Variants in PSG5 observed in about 807,000 individuals in gnomAD.
The protein encoded by PSG5 is pregnancy specific beta-1-glycoprotein 5.
Under a neutral mutation model 37.7 loss-of-function variants are expected in PSG5, and 53 were observed. That is an observed-to-expected ratio of 1.41 (90% CI 1.13 to 1.77). PSG5 has a LOEUF of 1.77. PSG5 is among the 40% of genes most tolerant of loss of function. The pLI is 0.00. For missense variants in PSG5, 547 were observed against 405.2 expected, an observed-to-expected ratio of 1.35 and a Z score of -3.00; for synonymous variants, 221 against 155.4, an observed-to-expected ratio of 1.42 and a Z score of -3.14.
At chr19:43,181,855 A>C (rs972694752) in intron 2 of PSG5, among the ~76,000 whole-genome samples, 2 of 151,746 alleles carry the variant, frequency 1.3e-5, no homozygotes, top group African/African-American at 4.9e-5. Context: ...TATGCCTGAC[A>C]GGAAGCCAGA....
intron 2 of PSG5, among the ~76,000 whole-genome samples, chr19:43,179,682 G>A (rs905257645): frequency 2.6e-5 from 4 of 151,684 alleles, no homozygotes; most frequent in Non-Finnish European, 5.9e-5. Context: ...AATAACACAG[G>A]GGAGACCAGA....
chr19:43,177,426 A>G (rs1170104145), intron 2 of PSG5, among the ~76,000 whole-genome samples: 1 of 151,560 alleles, frequency 6.6e-6, no homozygotes, highest in Non-Finnish European at 1.5e-5. Context: ...TTCAAAATCT[A>G]AAATGCTCCA....
At chr19:43,173,277 G>A (rs762055274) in intron 4 of PSG5, among the ~76,000 whole-genome samples, 1 of 151,560 alleles carries the variant, frequency 6.6e-6, no homozygotes, top group Non-Finnish European at 1.5e-5. Flanking sequence ...TAGAAGAAAA[G>A]CTTCATGATA....
chr19:43,181,501 C>A (rs897758547), intron 2 of PSG5, among the ~76,000 whole-genome samples: 3 of 151,638 alleles, frequency 2.0e-5, no homozygotes, highest in Non-Finnish European at 4.4e-5. Flanking sequence ...CTCTTTCACC[C>A]AGGCTGGAGT....
chr19:43,171,406 C>G (rs891011012), intron 4 of PSG5: 1 of 157,734 alleles, frequency 6.3e-6, no homozygotes, highest in Admixed American at 6.5e-5. Flanking sequence ...TAACTGTAAA[C>G]TCTTACATTA....
intron 2 of PSG5, among the ~76,000 whole-genome samples, chr19:43,182,728 A>G (rs1235287773): frequency 2.1e-4 from 11 of 53,322 alleles, no homozygotes; most frequent in Admixed American, 3.2e-4. Context: ...TTTTTTGTGC[A>G]GGAGGCCAGA....
At chr19:43,178,070 G>A (rs1030163857) in intron 2 of PSG5, among the ~76,000 whole-genome samples, 1 of 151,618 alleles carries the variant, frequency 6.6e-6, no homozygotes, top group Non-Finnish European at 1.5e-5. Context: ...GAGTGAAGGG[G>A]AAAGGCAAAA....
In PSG5 at chr19:43,176,099, C is replaced by T. The variant is rs138774767; in HGVS notation, c.480G>A (p.Glu160=). 3 of 1,611,170 alleles carry T rather than the reference C, an allele frequency of 1.9e-6. No homozygotes were observed. Among genetic ancestry groups the T allele is most frequent in the Non-Finnish European group, 2.5e-6 (3 of 1,179,178 alleles). Residue 160 remains glutamate (E), a synonymous_variant, in exon 3 of 6, where the codon GAG becomes GAA. Transcript: ENST00000342951. ...AGGTGAAGGCTAAGACATCCTTATT[C>T]TCCCTGGGTTTTGAGTTGTTGATGG... ...YITINNSKPR[E]NKDVLAFTCE... is the part of the protein sequence containing the mutation.
At chr19:43,173,092 T>C (rs549534218) in intron 4 of PSG5, among the ~76,000 whole-genome samples, 3 of 151,816 alleles carry the variant, frequency 2.0e-5, no homozygotes, top group African/African-American at 4.8e-5. Context: ...CAAATGATTT[T>C]CATGGAGTGT....
intron 2 of PSG5, among the ~76,000 whole-genome samples, chr19:43,182,122 T>A (rs1259943435): frequency 1.3e-5 from 2 of 151,696 alleles, no homozygotes; most frequent in African/African-American, 4.9e-5. Context: ...AGGAATTTAA[T>A]TTATGGTTTG....
chr19:43,169,910 A>G (rs989576768), intron 5 of PSG5, 145 bp downstream of exon 5: 13 of 502,166 alleles, frequency 2.6e-5, no homozygotes, highest in Admixed American at 2.5e-4. Context: ...GAGAAAGGGA[A>G]CTGCAGGAAT....
intron 3 of PSG5, 148 bp downstream of exon 3, chr19:43,175,722 T>G: frequency 6.7e-7 from 1 of 1,482,280 alleles, no homozygotes; most frequent in Non-Finnish European, 9.0e-7. Context: ...CCTACCTAGG[T>G]TTTCCAAGGG....
rs775192457 is a variant in PSG5 at position 43,184,909 on chromosome 19, T to C, written c.303A>G (p.Val101=). The C allele has an allele frequency of 9.9e-6, 16 of 1,612,524 alleles. 1 individual carries two copies. In the South Asian group the frequency reaches 1.4e-4, roughly 14 times the overall value. ...YGPAYTGRET[V]YSNASLLIQN... ...GGATCAGCAGGGATGCATTGGAATA[T>C]ACTGTTTCTCGTCCAGTGTATGCAG... Residue 101 remains valine (V), a synonymous_variant, in exon 2 of 6, where the codon GTA becomes GTG. Transcript: ENST00000342951.
In PSG5 at chr19:43,175,237, T is replaced by C. The variant is rs753646211; in HGVS notation, c.942A>G (p.Lys314=). ...TACCAGAGACTTCGACTGTCATGGA[T>C]TTGGAGCTTTCCTTGCCAGTAGCTG... The part of the protein sequence containing the change: ...RNSATGKESS[K]SMTVEVSAPS... Residue 314 remains lysine (K), a synonymous_variant, in exon 4 of 6, where the codon AAA becomes AAG. Transcript: ENST00000342951. 7 of 1,612,530 alleles carry C rather than the reference T, an allele frequency of 4.3e-6. No homozygotes were observed. Among genetic ancestry groups the C allele is most frequent in the Admixed American group, 1.7e-5 (1 of 59,912 alleles).
chr19:43,175,428 A>G lies in PSG5; in HGVS notation c.751T>C (p.Tyr251His). Residue 251 changes from tyrosine (Y) to histidine (H), a missense_variant, in exon 4 of 6, where the codon TAC becomes CAC. By Grantham distance (83) the Tyr-to-His change is moderately conservative. Coordinates refer to ENST00000342951, the MANE Select transcript of PSG5 (RefSeq NM_002781.4). ...AAGTAGAGGTTTTCTCCTGAACGGT[A>G]ATAGGTGAATGAAGGGTAAATGCTG... ...LPSIYPSFTY[Y>H]RSGENLYLSC... The G allele has an allele frequency of 6.2e-7, 1 of 1,612,544 alleles. No individual in the cohort carries two copies.
At chr19:43,168,615 G>A (rs1245054478) in intron 5 of PSG5, among the ~76,000 whole-genome samples, 3 of 151,636 alleles carry the variant, frequency 2.0e-5, no homozygotes, top group East Asian at 1.9e-4. Flanking sequence ...ATCGTGATGT[G>A]CCCACCTCGG....
intron 4 of PSG5, chr19:43,170,854 A>G (rs1227260992): frequency 6.6e-6 from 1 of 151,820 alleles, no homozygotes; most frequent in African/African-American, 2.4e-5. Flanking sequence ...TTGTATGTCT[A>G]ATCCCATCTT....
intron 5 of PSG5, among the ~76,000 whole-genome samples, chr19:43,169,826 G>C (rs1968865608): frequency 6.6e-6 from 1 of 151,602 alleles, no homozygotes; most frequent in African/African-American, 2.4e-5. Flanking sequence ...ATTTGAATCT[G>C]AGAAACAAAT....
At chr19:43,171,636 T>C (rs1968906794) in intron 4 of PSG5, 2 of 695,458 alleles carry the variant, frequency 2.9e-6, no homozygotes, top group Non-Finnish European at 4.1e-6. Flanking sequence ...CTAGATTGAC[T>C]AAGAAAAAAA....
Sources: allele counts gnomAD v4.1 joint callset (sites outside exome capture counted in the v4.1 genomes callset), GRCh38; gene constraint gnomAD v4.1.1; transcripts MANE v1.5; gene names NCBI Gene and HGNC (gene_info 2026-07-23, HGNC 2026-07-21).